Variants in EDN1 observed in about 807,000 individuals in gnomAD.
The protein encoded by EDN1 is endothelin 1.
In EDN1, 11 loss-of-function variants were observed where a neutral mutation model predicts 21.7. The ratio of observed to expected loss-of-function variants is 0.51; its 90% CI spans 0.32 to 0.84. The LOEUF (loss-of-function observed/expected upper bound fraction) is 0.84, where lower values mean the gene tolerates loss of function less well. Ranked by LOEUF, EDN1 falls within the 40% of genes least tolerant of loss-of-function variation. The pLI is 0.03. For missense variants in EDN1, 244 were observed against 262.3 expected, an observed-to-expected ratio of 0.93 and a Z score of 0.48; for synonymous variants, 85 against 90.6, an observed-to-expected ratio of 0.94 and a Z score of 0.35.
At chr6:12,240,237 A>T in the EDN1 span, among the ~76,000 whole-genome samples, 1 of 152,196 alleles carries the variant, frequency 6.6e-6, no homozygotes, top group Non-Finnish European at 1.5e-5. Context: ...GAAGGCTTTA[A>T]GAAAGGCGCG....
chr6:12,255,264 TC>T, the EDN1 span, among the ~76,000 whole-genome samples: 1 of 152,062 alleles, frequency 6.6e-6, no homozygotes, highest in Non-Finnish European at 1.5e-5. Context: ...ATCCACCACA[TC>T]CAAGTAGGGT....
the EDN1 span, among the ~76,000 whole-genome samples, chr6:12,275,364 A>G: frequency 1.3e-5 from 2 of 152,172 alleles, no homozygotes; most frequent in Non-Finnish European, 2.9e-5. Flanking sequence ...CTTTGCCTGA[A>G]TTCTTGAAGG....
chr6:12,277,809 A>G, the EDN1 span, among the ~76,000 whole-genome samples: 1 of 152,214 alleles, frequency 6.6e-6, no homozygotes. Context: ...TATTCTGGAT[A>G]AGGAAATGGA....
At chr6:12,289,719 G>A (rs1223844120), upstream of EDN1, among the ~76,000 whole-genome samples, 1 of 152,200 alleles carries the variant, frequency 6.6e-6, no homozygotes, top group Non-Finnish European at 1.5e-5. Flanking sequence ...AACGAGCTCT[G>A]ATGTTATTTT....
the EDN1 span, among the ~76,000 whole-genome samples, chr6:12,239,339 ACT>A: frequency 6.6e-6 from 1 of 152,124 alleles, no homozygotes. Flanking sequence ...CCTTTTTCTG[ACT>A]CTATAATAAA....
the EDN1 span, among the ~76,000 whole-genome samples, chr6:12,244,261 GATTTT>G: frequency 6.6e-6 from 1 of 152,184 alleles, no homozygotes; most frequent in Non-Finnish European, 1.5e-5. Context: ...GCCCATGCAT[GATTTT>G]GCCAGGTAAT....
chr6:12,278,126 T>A, the EDN1 span, among the ~76,000 whole-genome samples: 1 of 152,232 alleles, frequency 6.6e-6, no homozygotes, highest in Non-Finnish European at 1.5e-5. Context: ...TTATAGCTCT[T>A]CTTTTCTCTT....
chr6:12,286,084 A>G (rs1762555873), upstream of EDN1, among the ~76,000 whole-genome samples: 1 of 152,254 alleles, frequency 6.6e-6, no homozygotes, highest in African/African-American at 2.4e-5. Context: ...TTAAAAGGAA[A>G]ATATTAAGTA....
the EDN1 span, among the ~76,000 whole-genome samples, chr6:12,277,427 C>T: frequency 4.6e-5 from 7 of 152,166 alleles, no homozygotes; most frequent in Non-Finnish European, 1.0e-4. Context: ...AACAATAATG[C>T]GTGATGTAAG....
chr6:12,232,559 A>G, the EDN1 span, among the ~76,000 whole-genome samples: 11 of 152,184 alleles, frequency 7.2e-5, no homozygotes, highest in Non-Finnish European at 1.5e-4. Context: ...AAGCAGCCTG[A>G]TGCTGTCAAA....
upstream of EDN1, among the ~76,000 whole-genome samples, chr6:12,289,367 G>A (rs188831366): frequency 3.7e-4 from 56 of 152,196 alleles, no homozygotes; most frequent in African/African-American, 1.1e-3. Flanking sequence ...GGAATAAATA[G>A]AATATTCTGA....
the EDN1 span, among the ~76,000 whole-genome samples, chr6:12,283,770 T>A: frequency 6.6e-6 from 1 of 152,246 alleles, no homozygotes; most frequent in East Asian, 1.9e-4. Flanking sequence ...CTCATCATCA[T>A]AAGCCACCTG....
the EDN1 span, among the ~76,000 whole-genome samples, chr6:12,262,684 C>A: frequency 3.3e-5 from 5 of 152,060 alleles, no homozygotes; most frequent in Admixed American, 3.3e-4. Context: ...CCAGCCTGAC[C>A]AACATAGTGA....
At position 12,290,451 on chromosome 6, in the gene EDN1, G is replaced by T. The variant is rs554044038; in HGVS notation, c.-179G>T. 3.4e-5 allele frequency: 21 copies of T among 623,998 alleles called. No individual in the cohort carries two copies. The highest frequency in any genetic ancestry group is 8.5e-5 in the East Asian group (3 of 35,496). 38.7% of individuals were successfully genotyped at this position (623,998 alleles called of 1,614,324 possible). A position where few individuals can be genotyped will look rare whatever the true frequency, so the allele number is the denominator to read the frequency against. On this transcript the variant is annotated 5_prime_UTR_variant, in exon 1 of 5. Coordinates refer to ENST00000379375, the MANE Select transcript of EDN1 (RefSeq NM_001955.5). The stretch of plus-strand genomic sequence containing the variant: ...CGCCGCGTGCGCCTGCAGACGCTCC[G>T]CTCGCTGCCTTCTCTCCTGGCAGGC...
the EDN1 span, among the ~76,000 whole-genome samples, chr6:12,282,714 C>T: frequency 1.6e-4 from 25 of 152,196 alleles, no homozygotes; most frequent in Non-Finnish European, 2.9e-4. Flanking sequence ...TATATTCCTT[C>T]ATTTGATCCC....
the EDN1 span, among the ~76,000 whole-genome samples, chr6:12,236,768 C>CT: frequency 0.52 from 74,749 of 144,102 alleles, 19,294 homozygotes; most frequent in South Asian, 0.75. Flanking sequence ...GCCAATATTT[C>CT]TTTTTTTTTT....
chr6:12,272,139 T>C, the EDN1 span, among the ~76,000 whole-genome samples: 3 of 152,210 alleles, frequency 2.0e-5, no homozygotes, highest in Admixed American at 1.3e-4. Context: ...GCTACCATAA[T>C]GTAAGGTTAA....
At chr6:12,259,316 G>A in the EDN1 span, among the ~76,000 whole-genome samples, 2 of 151,520 alleles carry the variant, frequency 1.3e-5, no homozygotes, top group Non-Finnish European at 2.9e-5. Flanking sequence ...GAATTAATGA[G>A]CATTCATTAG....
the EDN1 span, among the ~76,000 whole-genome samples, chr6:12,261,414 G>C: frequency 6.6e-6 from 1 of 152,166 alleles, no homozygotes; most frequent in Non-Finnish European, 1.5e-5. Context: ...TGTGCACATG[G>C]GCAACCCTAT....
Sources: allele counts gnomAD v4.1 joint callset (sites outside exome capture counted in the v4.1 genomes callset), GRCh38; gene constraint gnomAD v4.1.1; transcripts MANE v1.5; gene names NCBI Gene and HGNC (gene_info 2026-07-23, HGNC 2026-07-21).